PC: variants seen among roughly 807,000 people sequenced by gnomAD.
PC encodes pyruvate carboxylase, mitochondrial.
In PC, 46 loss-of-function variants were observed where a neutral mutation model predicts 107.8. That is an observed-to-expected ratio of 0.43 (90% CI 0.34 to 0.55). The LOEUF is 0.55. Ranked by LOEUF, PC falls within the 20% of genes least tolerant of loss-of-function variation. The pLI, the probability that PC is intolerant of heterozygous loss-of-function variation, is 0.04. For missense variants in PC, 1,241 were observed against 1,643.1 expected, an observed-to-expected ratio of 0.76 and a Z score of 4.23; for synonymous variants, 662 against 684.7, an observed-to-expected ratio of 0.97 and a Z score of 0.52.
chr11:66,868,911 C>T lies in PC; in HGVS notation c.957G>A (p.Lys319=), dbSNP rs1344688020. Residue 319 remains lysine (K), a synonymous_variant, in exon 10 of 23, where the codon AAG becomes AAA. Transcript: ENST00000393960. The part of the protein sequence containing the change: ...TVEFLVDRHG[K]HYFIEVNSRL... ...GGGAGTTGACCTCGATGAAGTAGTG[C>T]TTGCCGTGCCTGTCCACCAGGAACT... The T allele has an allele frequency of 1.2e-6, 2 of 1,613,820 alleles. No individual in the cohort carries two copies. Among genetic ancestry groups the T allele is most frequent in the Non-Finnish European group, 1.7e-6 (2 of 1,179,942 alleles).
chr11:66,950,052 T>C (rs1404333627), intron 3 of PC, among the ~76,000 whole-genome samples: 3 of 152,174 alleles, frequency 2.0e-5, no homozygotes, highest in Non-Finnish European at 4.4e-5. Context: ...TTATTATTAA[T>C]GATTTAATAT....
At chr11:66,849,526 G>A (rs1945343438) in intron 21 of PC, 85 bp downstream of exon 21, 19 of 1,610,198 alleles carry the variant, frequency 1.2e-5, no homozygotes, top group South Asian at 4.4e-5. Flanking sequence ...CAAAGCTTGC[G>A]AGGCTGGGTG....
At position 66,852,454 on chromosome 11, in the gene PC, T is replaced by C. The variant is rs1345774439; in HGVS notation, c.1810A>G (p.Met604Val). Residue 604 changes from methionine to valine, a missense_variant, in exon 15 of 23, where the codon ATG becomes GTG. Coordinates refer to ENST00000393960, the MANE Select transcript of PC (RefSeq NM_001040716.2). This position sits in a 1 kb window ranked among gnomAD's most constrained non-coding sequence, Gnocchi z 4.7. ...VAHNFSKLFS[M>V]ENWGGATFDV... ...GCCAGCCTACCTCCCCAGTTCTCCA[T>C]GCTGAAGAGCTTGCTGAAGTTGTGG... 6.2e-7 allele frequency: 1 copy of C among 1,613,868 alleles called. No individual in the cohort carries two copies. Among genetic ancestry groups the C allele is most frequent in the Non-Finnish European group, 8.5e-7 (1 of 1,179,900 alleles).
At chr11:66,878,769 G>T (rs540009343) in intron 3 of PC, among the ~76,000 whole-genome samples, 1 of 152,354 alleles carries the variant, frequency 6.6e-6, no homozygotes, top group Non-Finnish European at 1.5e-5. Flanking sequence ...GTGGCAGCAT[G>T]CCAGGCAGAT....
At chr11:66,941,460 A>G (rs1949127159) in intron 3 of PC, among the ~76,000 whole-genome samples, 1 of 152,186 alleles carries the variant, frequency 6.6e-6, no homozygotes, top group African/African-American at 2.4e-5. Context: ...ATATGAATGG[A>G]TAAGTAAAAT....
intron 10 of PC, among the ~76,000 whole-genome samples, chr11:66,867,119 G>T (rs1282076621): frequency 6.6e-6 from 1 of 152,174 alleles, no homozygotes; most frequent in African/African-American, 2.4e-5. Context: ...GGCACAGCAG[G>T]TCATGCCTGT....
rs182573811 is a variant in PC, at chr11:66,911,737, A to G, written c.1-39578T>C. ...AACTCAGGAACAAATTTAGCAAAAG[A>G]AATCCAAACCTTAGGCTGGGCATGG... is the stretch of plus-strand genomic sequence containing the variant. On this transcript the variant is annotated intron_variant, in intron 3 of 22. Coordinates refer to ENST00000393960, the MANE Select transcript of PC (RefSeq NM_001040716.2). 9.2e-5 allele frequency among the ~76,000 whole-genome samples: 14 copies of G among 152,352 alleles called. No individual in the cohort carries two copies. The East Asian group carries it at 2.7e-3, about 29-fold the overall frequency.
At chr11:66,941,326 A>G (rs988166068) in intron 3 of PC, among the ~76,000 whole-genome samples, 4 of 152,186 alleles carry the variant, frequency 2.6e-5, no homozygotes, top group African/African-American at 9.6e-5. Context: ...CCATTGACCC[A>G]GCAATCAGGT....
At chr11:66,905,630 A>G (rs1251649683) in intron 3 of PC, among the ~76,000 whole-genome samples, 2 of 152,222 alleles carry the variant, frequency 1.3e-5, no homozygotes, top group East Asian at 3.8e-4. Flanking sequence ...GACATCAAAT[A>G]AGGTCTGACT....
intron 3 of PC, among the ~76,000 whole-genome samples, chr11:66,924,203 G>GAA (rs538266818): frequency 1.1e-4 from 9 of 82,968 alleles, no homozygotes; most frequent in East Asian, 3.3e-4. Context: ...CTCTATCTCA[G>GAA]AAAAAAAAAA....
chr11:66,905,249 A>G (rs1695718137), intron 3 of PC, among the ~76,000 whole-genome samples: 1 of 152,264 alleles, frequency 6.6e-6, no homozygotes, highest in South Asian at 2.1e-4. Flanking sequence ...AGGCAGGCCG[A>G]GCAGCTTAGG....
chr11:66,937,517 T>C (rs1050191415), intron 3 of PC, among the ~76,000 whole-genome samples: 2 of 152,200 alleles, frequency 1.3e-5, no homozygotes, highest in East Asian at 1.9e-4. Flanking sequence ...TTTCATCAGC[T>C]TGTGGCCATT....
chr11:66,957,701 C>T (rs1949599840), intron 1 of PC: 1 of 152,252 alleles, frequency 6.6e-6, no homozygotes, highest in South Asian at 2.1e-4. Context: ...TTGTAAACTA[C>T]TAAAAGCTGG....
At chr11:66,929,642 C>T (rs747277650) in intron 3 of PC, among the ~76,000 whole-genome samples, 12 of 152,140 alleles carry the variant, frequency 7.9e-5, no homozygotes, top group Non-Finnish European at 1.6e-4. Context: ...GCTGGGATTA[C>T]AGGTGTGAGC....
intron 3 of PC, among the ~76,000 whole-genome samples, chr11:66,930,455 G>A (rs1011829065): frequency 6.6e-6 from 1 of 152,176 alleles, no homozygotes; most frequent in African/African-American, 2.4e-5. Flanking sequence ...ATGTAAGAAT[G>A]TTCCTGCTGG....
intron 3 of PC, among the ~76,000 whole-genome samples, chr11:66,940,420 GC>G (rs1177239630): frequency 2.6e-5 from 4 of 151,972 alleles, no homozygotes; most frequent in African/African-American, 4.8e-5. Context: ...AGGTGCAGTG[GC>G]TCATGTCTGT....
intron 3 of PC, among the ~76,000 whole-genome samples, chr11:66,905,859 C>A (rs1016642015): frequency 2.0e-5 from 3 of 152,054 alleles, no homozygotes; most frequent in African/African-American, 7.2e-5. Context: ...CAGGCCCTGG[C>A]GAGCTTAGCC....
At chr11:66,885,562 C>T (rs557237350) in intron 3 of PC, among the ~76,000 whole-genome samples, 1 of 151,894 alleles carries the variant, frequency 6.6e-6, no homozygotes, top group Admixed American at 6.6e-5. Context: ...TTAGGGTGGC[C>T]CTAATCCAAT....
intron 3 of PC, among the ~76,000 whole-genome samples, chr11:66,886,232 G>T (rs1024244311): frequency 2.6e-5 from 4 of 151,262 alleles, no homozygotes; most frequent in African/African-American, 9.7e-5. Flanking sequence ...AGGGGAGGAG[G>T]TCCAGGTGCT....
Sources: allele counts gnomAD v4.1 joint callset (sites outside exome capture counted in the v4.1 genomes callset), GRCh38; gene constraint gnomAD v4.1.1; non-coding constraint Gnocchi (gnomAD v3.1); transcripts MANE v1.5; gene names NCBI Gene and HGNC (gene_info 2026-07-23, HGNC 2026-07-21).